The following STPG2 variants were observed in gnomAD, a reference collection of about 807,000 sequenced individuals.
The protein encoded by STPG2 is sperm tail PG-rich repeat containing 2, also known as sperm-tail PG-rich repeat-containing protein 2.
STPG2 carries 56 observed loss-of-function variants against 54.2 expected under a neutral mutation model. The observed-to-expected ratio is 1.03, with a 90% CI of 0.83 to 1.29. The LOEUF (loss-of-function observed/expected upper bound fraction) is 1.29, where lower values mean the gene tolerates loss of function less well. Ranked by LOEUF, STPG2 falls within the 50% of genes most tolerant of loss-of-function variation. The pLI, the probability that STPG2 is intolerant of heterozygous loss-of-function variation, is 0.00. For missense variants in STPG2, 596 were observed against 544.9 expected (o/e 1.09, Z -0.93); for synonymous variants, 200 against 181.8 (o/e 1.10, Z -0.81).
chr4:98,096,483 G>A (rs1483426432), intron 5 of STPG2, among the ~76,000 whole-genome samples: 1 of 151,882 alleles, frequency 6.6e-6, no homozygotes, highest in Non-Finnish European at 1.5e-5. Context: ...TTAAGAAGAG[G>A]AAAGTTTATA....
At chr4:97,683,715 G>A (rs1406799371) in intron 10 of STPG2, among the ~76,000 whole-genome samples, 1 of 151,744 alleles carries the variant, frequency 6.6e-6, no homozygotes, top group Non-Finnish European at 1.5e-5. Flanking sequence ...AACAAGAAAT[G>A]AATGTCTCTT....
chr4:97,484,478 A>T (rs1275516667), intron 4 of STPG2, among the ~76,000 whole-genome samples: 2 of 151,694 alleles, frequency 1.3e-5, no homozygotes, highest in Non-Finnish European at 3.0e-5. Flanking sequence ...TAAATGAATT[A>T]CTGGAAAAAT....
chr4:98,087,762 G>T (rs1210839020), intron 5 of STPG2, among the ~76,000 whole-genome samples: 3 of 151,840 alleles, frequency 2.0e-5, no homozygotes, highest in Non-Finnish European at 2.9e-5. Flanking sequence ...GGGTTTCACC[G>T]TGTTAGCCAG....
chr4:97,760,367 C>T (rs942045483), intron 9 of STPG2, among the ~76,000 whole-genome samples: 3 of 152,010 alleles, frequency 2.0e-5, no homozygotes, highest in Non-Finnish European at 4.4e-5. Flanking sequence ...CTATAAGTAC[C>T]TTTATTCTGG....
intron 9 of STPG2, among the ~76,000 whole-genome samples, chr4:97,751,368 G>T (rs1725576619): frequency 1.3e-5 from 2 of 151,716 alleles, no homozygotes; most frequent in South Asian, 4.1e-4. Flanking sequence ...CACCAGTATT[G>T]AAATTGCTCT....
At chr4:98,016,109 T>C (rs1387712222) in intron 5 of STPG2, among the ~76,000 whole-genome samples, 8 of 152,062 alleles carry the variant, frequency 5.3e-5, no homozygotes, top group African/African-American at 1.9e-4. Flanking sequence ...TTAATGTAGA[T>C]GAGGGGTTGA....
chr4:97,541,347 T>C (rs1235481504), intron 4 of STPG2, among the ~76,000 whole-genome samples: 1 of 152,118 alleles, frequency 6.6e-6, no homozygotes, highest in African/African-American at 2.4e-5. Context: ...GAGAGCCAAA[T>C]CATGAGTGAA....
chr4:97,615,274 T>C (rs1733831807), intron 10 of STPG2, among the ~76,000 whole-genome samples: 1 of 152,134 alleles, frequency 6.6e-6, no homozygotes, highest in African/African-American at 2.4e-5. Context: ...CATGAATTTA[T>C]TTGAATGTAT....
chr4:97,688,621 T>G (rs540178484), intron 10 of STPG2, among the ~76,000 whole-genome samples: 4 of 152,226 alleles, frequency 2.6e-5, no homozygotes, highest in African/African-American at 9.6e-5. Flanking sequence ...CATGCCAAAG[T>G]TTTTAATAAG....
chr4:97,934,731 C>A (rs763501106), intron 8 of STPG2, among the ~76,000 whole-genome samples: 3 of 152,156 alleles, frequency 2.0e-5, no homozygotes, highest in Non-Finnish European at 4.4e-5. Flanking sequence ...TGTGGATAAG[C>A]TTTTTGATGT....
intron 9 of STPG2, among the ~76,000 whole-genome samples, chr4:97,736,475 T>A (rs1372807534): frequency 6.6e-6 from 1 of 152,138 alleles, no homozygotes; most frequent in Admixed American, 6.5e-5. Context: ...GGGTGACAGA[T>A]GGCACCTGGA....
intron 5 of STPG2, among the ~76,000 whole-genome samples, chr4:98,073,845 A>G (rs1208347707): frequency 1.3e-5 from 2 of 152,196 alleles, no homozygotes; most frequent in Non-Finnish European, 2.9e-5. Flanking sequence ...GTATATTTTA[A>G]GTAAAATTTG....
chr4:97,923,657 G>A (rs974842544), intron 8 of STPG2, among the ~76,000 whole-genome samples: 3 of 151,660 alleles, frequency 2.0e-5, no homozygotes, highest in Admixed American at 6.6e-5. Flanking sequence ...AATCTGTTGG[G>A]TACTTGGAGA....
intron 4 of STPG2, among the ~76,000 whole-genome samples, chr4:97,444,289 C>A (rs957896486): frequency 2.0e-5 from 3 of 152,116 alleles, no homozygotes; most frequent in Non-Finnish European, 4.4e-5. Flanking sequence ...TCAATCCACA[C>A]AATCCAGAGT....
intron 9 of STPG2, among the ~76,000 whole-genome samples, chr4:97,788,256 T>C (rs1436379515): frequency 2.0e-5 from 3 of 152,028 alleles, no homozygotes; most frequent in Non-Finnish European, 2.9e-5. Context: ...GTAACCATCA[T>C]TCTACTCTCT....
At chr4:97,658,639 A>G (rs1480983950) in intron 10 of STPG2, among the ~76,000 whole-genome samples, 1 of 152,206 alleles carries the variant, frequency 6.6e-6, no homozygotes, top group African/African-American at 2.4e-5. Flanking sequence ...GAAAGAGGCC[A>G]AGAGAGACTG....
chr4:97,621,973 C>T (rs1461267399), intron 10 of STPG2, among the ~76,000 whole-genome samples: 1 of 152,138 alleles, frequency 6.6e-6, no homozygotes, highest in Non-Finnish European at 1.5e-5. Flanking sequence ...TGGTTCAGCA[C>T]ATGCAAATCA....
At chr4:98,017,104 T>C (rs1224424307) in intron 5 of STPG2, among the ~76,000 whole-genome samples, 1 of 152,200 alleles carries the variant, frequency 6.6e-6, no homozygotes, top group Non-Finnish European at 1.5e-5. Context: ...GCCTAGCACT[T>C]TGTTGGACCT....
intron 10 of STPG2, among the ~76,000 whole-genome samples, chr4:97,699,383 C>A (rs754796617): frequency 2.6e-5 from 4 of 152,154 alleles, no homozygotes; most frequent in Non-Finnish European, 5.9e-5. Context: ...TCGAGGTCAC[C>A]CATTGGTGAG....
Sources: allele counts gnomAD v4.1 joint callset (sites outside exome capture counted in the v4.1 genomes callset), GRCh38; gene constraint gnomAD v4.1.1; transcripts MANE v1.5; gene names NCBI Gene and HGNC (gene_info 2026-07-23, HGNC 2026-07-21).